Variants in DLGAP2 observed in about 807,000 individuals in gnomAD.
The protein encoded by DLGAP2 is disks large-associated protein 2.
Under a neutral mutation model 100.3 loss-of-function variants are expected in DLGAP2, and 26 were observed. The ratio of observed to expected loss-of-function variants is 0.26; its 90% confidence interval spans 0.19 to 0.36. The LOEUF is 0.36. Ranked by LOEUF, DLGAP2 falls within the 10% of genes least tolerant of loss-of-function variation. The probability of loss-of-function intolerance (pLI) is 1.00; values close to 1 mark genes in which losing one functional copy is unlikely to be tolerated. For missense variants in DLGAP2, 1,858 were observed against 1,453.2 expected (o/e 1.28, Z -4.53); for synonymous variants, 886 against 630.1 (o/e 1.41, Z -6.08).
At chr8:1,675,675 A>G (rs996011620) in intron 10 of DLGAP2, among the ~76,000 whole-genome samples, 7 of 152,194 alleles carry the variant, frequency 4.6e-5, no homozygotes, top group Non-Finnish European at 1.5e-5. Flanking sequence ...GAGAGATTTT[A>G]TAACTTAGCT....
intron 1 of DLGAP2, among the ~76,000 whole-genome samples, chr8:839,824 G>A (rs1796947981): frequency 6.6e-6 from 1 of 152,226 alleles, no homozygotes; most frequent in East Asian, 1.9e-4. Context: ...TCTCCACTGA[G>A]ATGCCTTTTA....
At chr8:844,980 G>A (rs1030481944) in intron 1 of DLGAP2, among the ~76,000 whole-genome samples, 3 of 152,138 alleles carry the variant, frequency 2.0e-5, no homozygotes, top group African/African-American at 7.2e-5. Context: ...ATGTTTTAAG[G>A]TTCGTCCATG....
intron 2 of DLGAP2, among the ~76,000 whole-genome samples, chr8:1,191,381 A>G (rs538156587): frequency 6.7e-4 from 102 of 152,238 alleles, no homozygotes; most frequent in Admixed American, 1.1e-3. Flanking sequence ...CGTGTTAGCC[A>G]GGATGGTCTT....
At chr8:1,093,395 A>T (rs1377444342) in intron 2 of DLGAP2, among the ~76,000 whole-genome samples, 1 of 151,278 alleles carries the variant, frequency 6.6e-6, no homozygotes, top group Non-Finnish European at 1.5e-5. Flanking sequence ...CCAGACCGAA[A>T]CACCTTCACA....
At chr8:1,002,481 T>C (rs1800987439) in intron 2 of DLGAP2, 1 of 152,238 alleles carries the variant, frequency 6.6e-6, no homozygotes, top group Non-Finnish European at 1.5e-5. Flanking sequence ...TATTCTGCAG[T>C]AACTTGTGGA....
At chr8:977,163 C>T (rs1330012024) in intron 2 of DLGAP2, among the ~76,000 whole-genome samples, 2 of 152,210 alleles carry the variant, frequency 1.3e-5, no homozygotes, top group African/African-American at 4.8e-5. Flanking sequence ...CCTCTTGCCT[C>T]CCCTCCTGAA....
rs373338526 is a variant in DLGAP2, at chr8:1,104,146, G to A, written c.74-154705G>A. Among the ~76,000 whole-genome samples the A allele has an allele frequency of 3.9e-5, 6 of 152,334 alleles. No individual in the cohort carries two copies. In the East Asian group the frequency reaches 9.7e-4, roughly 25 times the overall value. On this transcript the variant is annotated intron_variant, in intron 2 of 14. Coordinates refer to ENST00000637795, the MANE Select transcript of DLGAP2 (RefSeq NM_001346810.2). ...AGCCATGGGGGTACCACGTGTTAGG[G>A]TGAGGGGTTGCTGGTGATGGATGAT...
chr8:1,159,107 G>A (rs1161180342), intron 2 of DLGAP2, among the ~76,000 whole-genome samples: 1 of 152,164 alleles, frequency 6.6e-6, no homozygotes, highest in Non-Finnish European at 1.5e-5. Context: ...ACGTAGACCT[G>A]GTCATTTGAC....
intron 3 of DLGAP2, among the ~76,000 whole-genome samples, chr8:1,382,846 T>G (rs1246206131): frequency 6.6e-6 from 1 of 152,182 alleles, no homozygotes; most frequent in Non-Finnish European, 1.5e-5. Flanking sequence ...TGAATAAACT[T>G]TAGTATATCC....
chr8:1,320,546 T>G (rs1041762049), intron 3 of DLGAP2, among the ~76,000 whole-genome samples: 15 of 152,190 alleles, frequency 9.9e-5, no homozygotes, highest in Non-Finnish European at 2.1e-4. Flanking sequence ...CGTGATGTGA[T>G]AACCACCCCT....
At chr8:1,678,738 A>G in intron 12 of DLGAP2, 109 bp downstream of exon 12, 1 of 1,231,874 alleles carries the variant, frequency 8.1e-7, no homozygotes, top group Non-Finnish European at 1.1e-6. Context: ...TATTCAAGTG[A>G]AGGGAAATAA....
intron 3 of DLGAP2, among the ~76,000 whole-genome samples, chr8:1,484,370 G>A (rs1024522387): frequency 4.6e-5 from 7 of 152,230 alleles, no homozygotes; most frequent in South Asian, 2.1e-4. Flanking sequence ...TTTAAGACAC[G>A]GACATGAGTT....
rs144781103 is a variant in DLGAP2 at position 1,667,811 on chromosome 8, G to A, written c.1811-518G>A. Among the ~76,000 whole-genome samples, 69 of 152,300 alleles carry A rather than the reference G, an allele frequency of 4.5e-4. 1 individual carries two copies. Among genetic ancestry groups the A allele is most frequent in the African/African-American group, 1.3e-3 (54 of 41,564 alleles). On this transcript the variant is annotated intron_variant, in intron 8 of 14. Transcript: ENST00000637795. ...ATGACATGACCTGCGTAGAAATGAC[G>A]CCATGCCTGTGCGCTGTCCTGCGGG...
chr8:1,252,520 G>A (rs540887217), intron 2 of DLGAP2, among the ~76,000 whole-genome samples: 55 of 152,234 alleles, frequency 3.6e-4, no homozygotes, highest in African/African-American at 1.1e-3. Context: ...CATGTTACAC[G>A]GTGGTGTTGT....
intron 1 of DLGAP2, among the ~76,000 whole-genome samples, chr8:781,668 G>C (rs1821690931): frequency 6.6e-6 from 1 of 152,084 alleles, no homozygotes; most frequent in South Asian, 2.1e-4. Context: ...CGGTGATTTG[G>C]CTGAACATTT....
intron 2 of DLGAP2, among the ~76,000 whole-genome samples, chr8:1,218,091 T>G (rs1312081529): frequency 6.6e-6 from 1 of 152,232 alleles, no homozygotes; most frequent in Non-Finnish European, 1.5e-5. Context: ...GCAGAAGCTC[T>G]TTAATTAGGT....
chr8:1,392,709 G>C (rs180964147), intron 3 of DLGAP2, among the ~76,000 whole-genome samples: 174 of 152,336 alleles, frequency 1.1e-3, no homozygotes, highest in Middle Eastern at 3.4e-3. Flanking sequence ...GCACATCTGC[G>C]TTTCAGTGGA....
chr8:1,533,884 G>GTTC (rs1801068810), intron 4 of DLGAP2, among the ~76,000 whole-genome samples: 1 of 152,186 alleles, frequency 6.6e-6, no homozygotes, highest in Non-Finnish European at 1.5e-5. Flanking sequence ...TTGAGCGGGA[G>GTTC]TTTGAGGCGA....
Position 1,668,545 on chromosome 8 carries a change from C to A in DLGAP2, c.2027C>A (p.Ala676Glu), listed in dbSNP as rs776882325. The A allele has an allele frequency of 3.1e-6, 5 of 1,591,044 alleles. No homozygotes were observed. The Admixed American group carries it at 8.8e-5, about 28-fold the overall frequency. ...SLDSNKAMNLALETAAAQRHL... is the reference protein window; with the variant it reads ...SLDSNKAMNLELETAAAQRHL... Reference sequence around the variant, plus strand: ...GACAGCAACAAGGCCATGAACCTCGCGCTGGAAACGGCCGCTGCCCAGCGC... The same window carrying A: ...GACAGCAACAAGGCCATGAACCTCGAGCTGGAAACGGCCGCTGCCCAGCGC... Residue 676 changes from alanine (A) to glutamate (E), a missense_variant, in exon 9 of 15, where the codon GCG becomes GAG. Ala to Glu is a moderately radical substitution (Grantham distance 107, BLOSUM62 -1). Coordinates refer to ENST00000637795, the MANE Select transcript of DLGAP2 (RefSeq NM_001346810.2).
Sources: allele counts gnomAD v4.1 joint callset (sites outside exome capture counted in the v4.1 genomes callset), GRCh38; gene constraint gnomAD v4.1.1; transcripts MANE v1.5; gene names NCBI Gene and HGNC (gene_info 2026-07-23, HGNC 2026-07-21).